NETO1: variants seen among roughly 807,000 people sequenced by gnomAD.
The protein encoded by NETO1 is neuropilin and tolloid like 1.
A neutral mutation model predicts 61.3 loss-of-function variants in NETO1; 26 were observed. The observed-to-expected ratio is 0.42, with a 90% confidence interval of 0.31 to 0.59. The LOEUF (loss-of-function observed/expected upper bound fraction) is 0.59, where lower values mean the gene tolerates loss of function less well. Among genes scored for constraint, NETO1 ranks in the 20% least tolerant of loss-of-function variants. The pLI is 0.12. For missense variants in NETO1, 531 were observed against 662.8 expected (o/e 0.80, Z 2.18); for synonymous variants, 225 against 225.8 (o/e 1.00, Z 0.03).
chr18:72,750,074 T>C lies in NETO1; in HGVS notation c.1529A>G (p.Lys510Arg), dbSNP rs781379365. The C allele has an allele frequency of 6.3e-7, 1 of 1,587,698 alleles. No individual in the cohort carries two copies. The highest frequency in any genetic ancestry group is 8.6e-7 in the Non-Finnish European group (1 of 1,166,470). ...TTSHRLSRHD[K>R]AVQRFCLIGS... ...TATTGATACTGACCGCTGGACGGCT[T>C]TATCGTGTCTGGACAGCCTGTGACT... The change falls in exon 9 of 11, where the codon AAA becomes AGA. Residue 510 changes from lysine (K) to arginine (R), a missense_variant. Lys to Arg is a conservative substitution (Grantham distance 26). Transcript: ENST00000327305.
intron 6 of NETO1, among the ~76,000 whole-genome samples, chr18:72,788,923 T>C (rs1219354822): frequency 6.6e-6 from 1 of 152,106 alleles, no homozygotes; most frequent in Non-Finnish European, 1.5e-5. Flanking sequence ...GAGGCAATTA[T>C]TTACCACTTG....
At chr18:72,770,419 T>C (rs919321840) in intron 7 of NETO1, among the ~76,000 whole-genome samples, 3 of 152,132 alleles carry the variant, frequency 2.0e-5, no homozygotes, top group African/African-American at 7.2e-5. Flanking sequence ...GATTTTTTTC[T>C]TATCAATAGT....
intron 4 of NETO1, among the ~76,000 whole-genome samples, chr18:72,802,576 C>T (rs2072544318): frequency 6.6e-6 from 1 of 152,218 alleles, no homozygotes; most frequent in South Asian, 2.1e-4. Flanking sequence ...TATGTGAATG[C>T]TTGACAACAA....
intron 4 of NETO1, among the ~76,000 whole-genome samples, chr18:72,842,894 T>C (rs1044639579): frequency 1.3e-5 from 2 of 152,210 alleles, no homozygotes; most frequent in African/African-American, 4.8e-5. Context: ...GAACAATACT[T>C]GGCATATAAT....
chr18:72,813,516 C>A (rs1050894076), intron 4 of NETO1, among the ~76,000 whole-genome samples: 1 of 151,974 alleles, frequency 6.6e-6, no homozygotes, highest in South Asian at 2.1e-4. Flanking sequence ...ATGCACAGAC[C>A]ATAAAAGAAC....
intron 7 of NETO1, among the ~76,000 whole-genome samples, chr18:72,781,078 C>G (rs76427500): frequency 0.028 from 4,322 of 152,266 alleles, 81 homozygotes; most frequent in Non-Finnish European, 0.045. Context: ...TCCTAGGCAT[C>G]AGGGTTCCTC....
At chr18:72,828,785 A>G (rs2073477968) in intron 4 of NETO1, among the ~76,000 whole-genome samples, 1 of 152,224 alleles carries the variant, frequency 6.6e-6, no homozygotes, top group Admixed American at 6.5e-5. Context: ...GACTGCAGAT[A>G]TTTCAACAGC....
intron 4 of NETO1, among the ~76,000 whole-genome samples, chr18:72,824,972 GTTA>G (rs2073329251): frequency 6.6e-6 from 1 of 152,174 alleles, no homozygotes; most frequent in Admixed American, 6.5e-5. Context: ...AACAAGAAAA[GTTA>G]TTAACTATTC....
intron 4 of NETO1, among the ~76,000 whole-genome samples, chr18:72,844,767 G>T (rs887359993): frequency 4.6e-5 from 7 of 152,160 alleles, no homozygotes; most frequent in African/African-American, 7.2e-5. Context: ...CGAGGTTGTT[G>T]GGTTTTGTTT....
chr18:72,803,691 C>T (rs559746180), intron 4 of NETO1, among the ~76,000 whole-genome samples: 2 of 152,110 alleles, frequency 1.3e-5, no homozygotes, highest in Admixed American at 1.3e-4. Flanking sequence ...TGTGGTGGCA[C>T]ATGCCTGTAA....
At chr18:72,862,689 C>G (rs1452974740) in intron 3 of NETO1, among the ~76,000 whole-genome samples, 1 of 146,504 alleles carries the variant, frequency 6.8e-6, no homozygotes, top group African/African-American at 2.5e-5. Context: ...GGTGCGATCT[C>G]GGCTCACTGC....
intron 7 of NETO1, among the ~76,000 whole-genome samples, chr18:72,774,326 G>A (rs759430897): frequency 6.6e-6 from 1 of 152,112 alleles, no homozygotes; most frequent in Non-Finnish European, 1.5e-5. Flanking sequence ...TTATTTGAAT[G>A]GGCATATTCC....
intron 4 of NETO1, among the ~76,000 whole-genome samples, chr18:72,837,406 T>C (rs1449071495): frequency 6.6e-6 from 1 of 152,192 alleles, no homozygotes; most frequent in East Asian, 1.9e-4. Context: ...AAATAAAAAC[T>C]GAGTCAAAGT....
chr18:72,777,957 C>G (rs958684449), intron 7 of NETO1, among the ~76,000 whole-genome samples: 2 of 152,042 alleles, frequency 1.3e-5, no homozygotes, highest in African/African-American at 2.4e-5. Flanking sequence ...GCAGTGCGCC[C>G]CCTTGCAAAT....
At chr18:72,769,548 T>C (rs568099497) in intron 7 of NETO1, among the ~76,000 whole-genome samples, 1 of 152,334 alleles carries the variant, frequency 6.6e-6, no homozygotes, top group South Asian at 2.1e-4. Flanking sequence ...TTTGTTGCTT[T>C]GTAAAAAAGT....
intron 7 of NETO1, among the ~76,000 whole-genome samples, chr18:72,772,469 G>C (rs1232106586): frequency 6.6e-6 from 1 of 151,956 alleles, no homozygotes; most frequent in Non-Finnish European, 1.5e-5. Context: ...GTTTCTCTCC[G>C]TGTATGGGTT....
intron 2 of NETO1, 80 bp downstream of exon 2, chr18:72,865,108 G>A (rs1057110355): frequency 1.4e-5 from 21 of 1,457,558 alleles, no homozygotes; most frequent in Non-Finnish European, 1.9e-6. Context: ...AGATATTCTG[G>A]AATATTAACA....
In NETO1 at chr18:72,787,648, T is replaced by C. The variant is rs1039722208; in HGVS notation, c.640-3742A>G. Reference sequence around the variant, plus strand: ...ATTATTTCATATCTCTCAACAACAATAGATACTTGTTATAATCATTTAAGA... The same window carrying C: ...ATTATTTCATATCTCTCAACAACAACAGATACTTGTTATAATCATTTAAGA... On this transcript the variant is annotated intron_variant, in intron 6 of 10. Coordinates refer to ENST00000327305, the MANE Select transcript of NETO1 (RefSeq NM_138966.5). Among the ~76,000 whole-genome samples, 6 of 152,204 alleles carry C rather than the reference T, an allele frequency of 3.9e-5. No homozygotes were observed. The South Asian group carries it at 8.3e-4, about 21-fold the overall frequency.
At chr18:72,836,530 T>C (rs181338352) in intron 4 of NETO1, among the ~76,000 whole-genome samples, 2 of 152,296 alleles carry the variant, frequency 1.3e-5, no homozygotes, top group East Asian at 1.9e-4. Flanking sequence ...GAAGCTTACA[T>C]AGAACAAGTA....
Sources: gnomAD v4.1 joint callset for allele counts (sites outside exome capture counted in the v4.1 genomes callset) on GRCh38, gnomAD v4.1.1 for gene constraint, MANE v1.5 for transcripts, NCBI Gene and HGNC (gene_info 2026-07-23, HGNC 2026-07-21) for gene names.